BARD1: variants seen among roughly 807,000 people sequenced by gnomAD.
BARD1 encodes the protein BRCA1-associated RING domain protein 1.
Under a neutral mutation model 77.0 loss-of-function variants are expected in BARD1, and 73 were observed. That is an observed-to-expected ratio of 0.95 (90% CI 0.79 to 1.15). BARD1 has a LOEUF of 1.15. BARD1 is among the 50% of genes most tolerant of loss of function. The pLI, the probability that BARD1 is intolerant of heterozygous loss-of-function variation, is 0.00. For missense variants in BARD1, 993 were observed against 938.8 expected, an observed-to-expected ratio of 1.06 and a Z score of -0.75; for synonymous variants, 384 against 338.0, an observed-to-expected ratio of 1.14 and a Z score of -1.49.
At chr2:214,777,817 T>G (rs773142524) in intron 4 of BARD1, among the ~76,000 whole-genome samples, 1 of 152,234 alleles carries the variant, frequency 6.6e-6, no homozygotes, top group Admixed American at 6.5e-5. Flanking sequence ...ATAAATAAGA[T>G]AGCAGAATTG....
rs1574819068 is a variant in BARD1 at position 214,781,035 on chromosome 2, A to G, written c.839T>C (p.Leu280Ser). ...ECFGSLTEVS[L>S]PLAEQIESPD... ...AGACTCTATTTGCTCAGCCAATGGTAAAGAGACTTCAGTTAAACTTCCAAA... is the reference window on the plus strand; with the variant it reads ...AGACTCTATTTGCTCAGCCAATGGTGAAGAGACTTCAGTTAAACTTCCAAA... The change falls in exon 4 of 11, where the codon TTA becomes TCA. Residue 280 changes from leucine to serine, a missense_variant. Transcript: ENST00000260947. The G allele has an allele frequency of 6.2e-7, 1 of 1,611,164 alleles. No individual in the cohort carries two copies. Among genetic ancestry groups the G allele is most frequent in the Non-Finnish European group, 8.5e-7 (1 of 1,178,818 alleles).
rs786203473 is a variant in BARD1, at chr2:214,767,631, G to T, written c.1419C>A (p.His473Gln). The T allele has an allele frequency of 6.2e-7, 1 of 1,613,858 alleles. No homozygotes were observed. Among genetic ancestry groups the T allele is most frequent in the Non-Finnish European group, 8.5e-7 (1 of 1,179,910 alleles). ...GGAGCAATAATTCCACTACCTTCAG[G>T]TGCCCATGATTGCAAGCTTCATGCT... ...TPLHEACNHG[H>Q]LKVVELLLQH... Residue 473 changes from histidine (H) to glutamine (Q), a missense_variant, in exon 6 of 11, where the codon CAC becomes CAA. Transcript: ENST00000260947.
intron 3 of BARD1, among the ~76,000 whole-genome samples, chr2:214,783,269 A>G (rs1195601821): frequency 2.0e-5 from 3 of 152,146 alleles, no homozygotes; most frequent in Admixed American, 6.6e-5. Flanking sequence ...GGGCAACTGT[A>G]GTAAGTTTAA....
intron 1 of BARD1, among the ~76,000 whole-genome samples, chr2:214,799,164 G>A (rs1439394043): frequency 6.6e-6 from 1 of 152,092 alleles, no homozygotes; most frequent in African/African-American, 2.4e-5. Flanking sequence ...AGCCAGGCAT[G>A]GTAGTGCACG....
At chr2:214,757,250 T>C (rs1693735224) in intron 6 of BARD1, among the ~76,000 whole-genome samples, 1 of 152,006 alleles carries the variant, frequency 6.6e-6, no homozygotes, top group South Asian at 2.1e-4. Context: ...TAATTTTTTT[T>C]CTGTTCCTTG....
intron 2 of BARD1, among the ~76,000 whole-genome samples, chr2:214,792,770 T>C (rs1030792385): frequency 6.6e-6 from 1 of 152,184 alleles, no homozygotes; most frequent in African/African-American, 2.4e-5. Context: ...TCGTGCATCC[T>C]AACTTTTTCT....
chr2:214,751,688 C>T (rs1176082779), intron 7 of BARD1, among the ~76,000 whole-genome samples: 15 of 152,106 alleles, frequency 9.9e-5, no homozygotes, highest in Non-Finnish European at 1.5e-5. Flanking sequence ...ATTATCTATT[C>T]GATATCTCCA....
chr2:214,802,587 C>G (rs2106156576), intron 1 of BARD1, among the ~76,000 whole-genome samples: 1 of 152,142 alleles, frequency 6.6e-6, no homozygotes. Context: ...TTCTGAGCTC[C>G]CCAACCCACC....
At chr2:214,792,917 A>G (rs2106137051) in intron 2 of BARD1, among the ~76,000 whole-genome samples, 1 of 152,332 alleles carries the variant, frequency 6.6e-6, no homozygotes, top group South Asian at 2.1e-4. Context: ...ACAATTTTAA[A>G]ACCTGTAGAC....
chr2:214,788,097 CTA>C (rs1249634326), intron 3 of BARD1, among the ~76,000 whole-genome samples: 1 of 151,902 alleles, frequency 6.6e-6, no homozygotes, highest in African/African-American at 2.4e-5. Context: ...ATATGAAACA[CTA>C]TGTAATCGTT....
At chr2:214,767,362 T>C in intron 6 of BARD1, 120 bp downstream of exon 6, 1 of 947,242 alleles carries the variant, frequency 1.1e-6, no homozygotes, top group Non-Finnish European at 1.6e-6. Flanking sequence ...TCACATCTAA[T>C]TTTAGTTGTG....
chr2:214,727,730 C>T lies in BARD1; in HGVS notation c.*946G>A, dbSNP rs1246903823. ...GTAATCACCAACTTCTGCCTCCATG[C>T]CAACCTAAAAACTTTAAAAAAAACC... On this transcript the variant is annotated 3_prime_UTR_variant, in exon 11 of 11. Coordinates refer to ENST00000260947, the MANE Select transcript of BARD1 (RefSeq NM_000465.4). 2 of 228,206 alleles carry T rather than the reference C, an allele frequency of 8.8e-6. No individual in the cohort carries two copies. Among genetic ancestry groups the T allele is most frequent in the African/African-American group, 2.2e-5 (1 of 45,032 alleles). The allele number at this position is 228,206 out of a possible 1,614,324, so 14.1% of individuals were successfully genotyped here.
intron 7 of BARD1, among the ~76,000 whole-genome samples, chr2:214,749,390 A>G (rs539239401): frequency 6.6e-6 from 1 of 152,210 alleles, no homozygotes; most frequent in Non-Finnish European, 1.5e-5. Context: ...GAAGGACTTG[A>G]TATTATCTTT....
chr2:214,761,861 A>C (rs2106062404), intron 6 of BARD1, among the ~76,000 whole-genome samples: 1 of 152,320 alleles, frequency 6.6e-6, no homozygotes. Context: ...AACTATCATC[A>C]TTATTGCATC....
chr2:214,753,537 A>G (rs1693554535), intron 6 of BARD1, among the ~76,000 whole-genome samples: 1 of 152,200 alleles, frequency 6.6e-6, no homozygotes, highest in South Asian at 2.1e-4. Flanking sequence ...TAAACATGGT[A>G]TAATACTAAT....
At chr2:214,743,756 C>A (rs1433470867) in intron 9 of BARD1, among the ~76,000 whole-genome samples, 1 of 152,018 alleles carries the variant, frequency 6.6e-6, no homozygotes, top group Non-Finnish European at 1.5e-5. Flanking sequence ...GCTCATTTTT[C>A]TATTTTTAGT....
Position 214,728,592 on chromosome 2 carries a change from A to G in BARD1, c.*84T>C. The G allele has an allele frequency of 7.3e-7, 1 of 1,368,162 alleles. No individual in the cohort carries two copies. The highest frequency in any genetic ancestry group is 1.0e-6 in the Non-Finnish European group (1 of 983,950). 84.8% of individuals were successfully genotyped at this position (1,368,162 alleles called of 1,614,324 possible). A position where few individuals can be genotyped will look rare whatever the true frequency, so the allele number is the denominator to read the frequency against. ...TATGAATGACTCTACCTATTTGTAA[A>G]AATGTGAACATTAAAAACAGTACAA... On this transcript the variant is annotated 3_prime_UTR_variant, in exon 11 of 11. Transcript: ENST00000260947.
chr2:214,756,489 G>C (rs932458937), intron 6 of BARD1, among the ~76,000 whole-genome samples: 2 of 152,196 alleles, frequency 1.3e-5, no homozygotes, highest in Non-Finnish European at 2.9e-5. Flanking sequence ...TGTCTACCCA[G>C]AGGAAAAGAA....
intron 9 of BARD1, among the ~76,000 whole-genome samples, chr2:214,740,232 C>A (rs965676257): frequency 6.6e-6 from 1 of 151,998 alleles, no homozygotes; most frequent in Non-Finnish European, 1.5e-5. Flanking sequence ...AATGTATTTG[C>A]TGGGTATCCA....
Sources: gnomAD v4.1 joint callset for allele counts (sites outside exome capture counted in the v4.1 genomes callset) on GRCh38, gnomAD v4.1.1 for gene constraint, MANE v1.5 for transcripts, NCBI Gene and HGNC (gene_info 2026-07-23, HGNC 2026-07-21) for gene names.